Variants in NLGN4X observed in about 807,000 individuals in gnomAD.
NLGN4X encodes neuroligin 4 X-linked, also known as neuroligin-4, X-linked.
Under a neutral mutation model 40.3 loss-of-function variants are expected in NLGN4X, and 3 were observed. The observed-to-expected ratio is 0.07, with a 90% CI of 0.03 to 0.19. The LOEUF is 0.19. Ranked by LOEUF, NLGN4X falls within the 10% of genes least tolerant of loss-of-function variation. The probability of loss-of-function intolerance (pLI) is 1.00; values close to 1 mark genes in which losing one functional copy is unlikely to be tolerated. For synonymous variants in NLGN4X, 270 were observed against 306.8 expected, an observed-to-expected ratio of 0.88 and a Z score of 1.25; for missense variants, 382 against 708.3, an observed-to-expected ratio of 0.54 and a Z score of 5.23.
Position 6,126,583 on chromosome X carries a change from G to T in NLGN4X, c.472+24412C>A, listed in dbSNP as rs952193646. On this transcript the variant is annotated intron_variant, in intron 2 of 5. Transcript: ENST00000381095. Reference sequence around the variant, plus strand: ...GAAAATGTAATTGAAGATATCATTTGCAAAATAATAATAATAATCAATTAA... The same window carrying T: ...GAAAATGTAATTGAAGATATCATTTTCAAAATAATAATAATAATCAATTAA... Among the ~76,000 whole-genome samples the T allele has an allele frequency of 1.3e-4, 15 of 111,699 alleles. No homozygotes were observed. The Admixed American group carries it at 1.4e-3, about 11-fold the overall frequency.
intron 3 of NLGN4X, among the ~76,000 whole-genome samples, chrX:5,980,901 AT>A (rs200167899): frequency 0.068 from 7,576 of 111,673 alleles, 632 homozygotes; most frequent in African/African-American, 0.23. Context: ...TTTCATTAAA[AT>A]TTTAAATTTA....
intron 2 of NLGN4X, chrX:6,032,604 A>T: frequency 1.7e-6 from 1 of 601,056 alleles, no homozygotes. Flanking sequence ...AAGGGGAGAA[A>T]AAACAGATTG....
intron 3 of NLGN4X, among the ~76,000 whole-genome samples, chrX:5,921,959 C>A (rs1398840868): frequency 5.4e-5 from 6 of 111,256 alleles, no homozygotes; most frequent in African/African-American, 2.0e-4. Context: ...ATATCACAGG[C>A]GAAGCTGACA....
intron 5 of NLGN4X, among the ~76,000 whole-genome samples, chrX:5,897,878 C>T (rs2031590570): frequency 9.5e-6 from 1 of 105,728 alleles, no homozygotes. Context: ...AATTGTCCCT[C>T]CCTCCCTCCT....
At chrX:6,139,968 G>A (rs890078851) in intron 2 of NLGN4X, among the ~76,000 whole-genome samples, 1 of 111,766 alleles carries the variant, frequency 8.9e-6, no homozygotes, top group Admixed American at 9.6e-5. Context: ...TCATTGGCCC[G>A]ACTGGAGGCT....
intron 2 of NLGN4X, among the ~76,000 whole-genome samples, chrX:6,102,469 G>A (rs1430933670): frequency 9.0e-6 from 1 of 111,001 alleles, no homozygotes; most frequent in Admixed American, 9.6e-5. Context: ...GACACAGTGA[G>A]AAGGCGCTGT....
chrX:6,151,766 G>C lies in NLGN4X; in HGVS notation c.-300C>G. 2.8e-6 allele frequency: 1 copy of C among 359,653 alleles called. No homozygotes were observed. 29.6% of individuals were successfully genotyped at this position (359,653 alleles called of 1,213,427 possible). On this transcript the variant is annotated 5_prime_UTR_variant, in exon 2 of 6. Transcript: ENST00000381095. ...GGACAATTTCTTATGAAAACTCCAA[G>C]GCAGCCTAAAAGAGGAAGAAAGCAG...
chrX:6,215,427 T>G (rs1924989575), intron 1 of NLGN4X, among the ~76,000 whole-genome samples: 1 of 109,633 alleles, frequency 9.1e-6, no homozygotes, highest in South Asian at 3.9e-4. Flanking sequence ...TGTGTGCCTG[T>G]AATCCCAGCT....
At chrX:6,162,661 T>G (rs113769704) in intron 1 of NLGN4X, among the ~76,000 whole-genome samples, 41 of 110,739 alleles carry the variant, frequency 3.7e-4, no homozygotes, top group African/African-American at 1.2e-3. Flanking sequence ...TAAACTCCCC[T>G]TTATATATCT....
intron 2 of NLGN4X, among the ~76,000 whole-genome samples, chrX:6,101,814 C>CTTTT (rs563023754): frequency 8.1e-5 from 8 of 98,754 alleles, no homozygotes; most frequent in African/African-American, 3.0e-4. Flanking sequence ...TTTAATTGTA[C>CTTTT]TTTTTTTTTT....
intron 2 of NLGN4X, among the ~76,000 whole-genome samples, chrX:6,088,197 G>A (rs1436168244): frequency 8.9e-6 from 1 of 112,689 alleles, no homozygotes; most frequent in East Asian, 2.8e-4. Context: ...CATGCTCCAT[G>A]CATGGAACAT....
At position 6,150,923 on chromosome X, in the gene NLGN4X, T is replaced by C. The variant is rs755579531; in HGVS notation, c.472+72A>G. 6.1e-5 allele frequency: 54 copies of C among 882,410 alleles called. 1 individual carries two copies. Among genetic ancestry groups the C allele is most frequent in the Middle Eastern group, 3.2e-4 (1 of 3,128 alleles). The allele number at this position is 882,410 out of a possible 1,213,427, so 72.7% of individuals were successfully genotyped here. A position where few individuals can be genotyped will look rare whatever the true frequency, so the allele number is the denominator to read the frequency against. Reference sequence around the variant, plus strand: ...AGAAGAGATCATGCATGAGACATTATAAAACCCTCCTAGCAAATCTCTCTA... The same window carrying C: ...AGAAGAGATCATGCATGAGACATTACAAAACCCTCCTAGCAAATCTCTCTA... On this transcript the variant is annotated intron_variant, in intron 2 of 5. Transcript: ENST00000381095.
intron 3 of NLGN4X, among the ~76,000 whole-genome samples, chrX:5,951,858 G>A (rs778212664): frequency 1.8e-5 from 2 of 111,806 alleles, no homozygotes; most frequent in South Asian, 3.8e-4. Context: ...GACAACTACC[G>A]CAAATGCTGC....
chrX:6,158,353 T>C (rs2040316049), intron 1 of NLGN4X, among the ~76,000 whole-genome samples: 2 of 111,968 alleles, frequency 1.8e-5, no homozygotes, highest in Non-Finnish European at 3.8e-5. Context: ...TTTGGATAAC[T>C]AGATCATTAC....
chrX:6,032,705 C>T lies in NLGN4X; in HGVS notation c.473-3273G>A, dbSNP rs368530468. The T allele has an allele frequency of 5.6e-4, 666 of 1,188,639 alleles. No individual in the cohort carries two copies. Among genetic ancestry groups the T allele is most frequent in the South Asian group, 1.4e-3 (75 of 53,292 alleles). On this transcript the variant is annotated intron_variant, in intron 2 of 5. Coordinates refer to ENST00000381095, the MANE Select transcript of NLGN4X (RefSeq NM_181332.3). The stretch of plus-strand genomic sequence containing the variant: ...ACAAAAAATACCTTCGTCTTCACCA[C>T]GGTCATTACTCGTTATATCATCTGC...
rs66796028 is a variant in NLGN4X at position 6,018,146 on chromosome X, ATATG to A, written c.625+11130_625+11133del. Among the ~76,000 whole-genome samples, 996 of 103,798 alleles carry A rather than the reference ATATG, an allele frequency of 9.6e-3. 12 individuals carry two copies. Among genetic ancestry groups the A allele is most frequent in the African/African-American group, 0.039 (936 of 23,994 alleles). The allele number at this position is 103,798 out of a possible 115,157, so 90.1% of individuals were successfully genotyped here. A position where few individuals can be genotyped will look rare whatever the true frequency, so the allele number is the denominator to read the frequency against. On this transcript the variant is annotated intron_variant, in intron 3 of 5. Coordinates refer to ENST00000381095, the MANE Select transcript of NLGN4X (RefSeq NM_181332.3). ...CTGATACATGTATATGTATACACAC[ATATG>A]TATGTATGTACACATATATGTATGT...
chrX:6,062,379 G>A (rs1167197321), intron 2 of NLGN4X, among the ~76,000 whole-genome samples: 1 of 111,527 alleles, frequency 9.0e-6, no homozygotes, highest in Non-Finnish European at 1.9e-5. Context: ...TTCCACCTTT[G>A]CCCCTACAGA....
intron 3 of NLGN4X, among the ~76,000 whole-genome samples, chrX:5,944,635 C>A (rs1601929531): frequency 3.2e-5 from 2 of 63,423 alleles, no homozygotes; most frequent in Admixed American, 2.2e-4. Flanking sequence ...GCAAAAGAAC[C>A]AGAAGACTCT....
intron 3 of NLGN4X, among the ~76,000 whole-genome samples, chrX:6,004,411 A>C (rs1294155755): frequency 8.9e-6 from 1 of 111,888 alleles, no homozygotes; most frequent in Non-Finnish European, 1.9e-5. Flanking sequence ...TGAAAACAAA[A>C]CTTTTCCTCA....
Sources: allele counts gnomAD v4.1 joint callset (sites outside exome capture counted in the v4.1 genomes callset), GRCh38; gene constraint gnomAD v4.1.1; transcripts MANE v1.5; gene names NCBI Gene and HGNC (gene_info 2026-07-23, HGNC 2026-07-21).